Variants in PIK3CB observed in about 807,000 individuals in gnomAD.
PIK3CB encodes phosphatidylinositol 4,5-bisphosphate 3-kinase catalytic subunit beta isoform.
In PIK3CB, 39 loss-of-function variants were observed where a neutral mutation model predicts 136.8. That is an observed-to-expected ratio of 0.29 (90% CI 0.22 to 0.37). PIK3CB has a LOEUF of 0.37. PIK3CB is among the 10% of genes least tolerant of loss of function. PIK3CB has a pLI of 1.00. For synonymous variants in PIK3CB, 428 were observed against 436.6 expected (o/e 0.98, Z 0.25); for missense variants, 868 against 1,275.4 (o/e 0.68, Z 4.87).
At chr3:138,713,789 A>C (rs1048039422) in intron 9 of PIK3CB, among the ~76,000 whole-genome samples, 2 of 152,230 alleles carry the variant, frequency 1.3e-5, no homozygotes, top group Non-Finnish European at 2.9e-5. Flanking sequence ...AAAAGCAAGA[A>C]GAAAGTGAAA....
chr3:138,713,270 C>T (rs2044541646), intron 9 of PIK3CB, among the ~76,000 whole-genome samples: 1 of 151,770 alleles, frequency 6.6e-6, no homozygotes, highest in South Asian at 2.1e-4. Context: ...ACCTCAGCCT[C>T]CCAAAGTGTT....
intron 12 of PIK3CB, among the ~76,000 whole-genome samples, chr3:138,701,629 C>CA (rs1420189772): frequency 6.6e-6 from 1 of 151,252 alleles, no homozygotes; most frequent in Non-Finnish European, 1.5e-5. Flanking sequence ...TACTAAAATA[C>CA]AAAAAATTAG....
At chr3:138,682,569 C>G (rs530259776) in intron 18 of PIK3CB, among the ~76,000 whole-genome samples, 1 of 152,254 alleles carries the variant, frequency 6.6e-6, no homozygotes, top group Admixed American at 6.5e-5. Flanking sequence ...TACCACTATA[C>G]GGAGAGTTCT....
chr3:138,800,621 C>T (rs1189962550), intron 1 of PIK3CB, among the ~76,000 whole-genome samples: 2 of 151,676 alleles, frequency 1.3e-5, no homozygotes, highest in African/African-American at 4.8e-5. Context: ...CCAGCTACAA[C>T]TCTATTATTA....
intron 13 of PIK3CB, 124 bp downstream of exon 13, chr3:138,698,783 T>C (rs1028585510): frequency 5.5e-6 from 3 of 542,730 alleles, no homozygotes; most frequent in Non-Finnish European, 9.6e-6. Flanking sequence ...GTTTAAAACC[T>C]CAAAATTTCT....
chr3:138,775,068 T>C (rs915740903), intron 2 of PIK3CB, among the ~76,000 whole-genome samples: 8 of 152,226 alleles, frequency 5.3e-5, no homozygotes, highest in Non-Finnish European at 7.3e-5. Context: ...TGTGTGTAGC[T>C]TTCATTTCTC....
At chr3:138,762,337 G>C (rs497434) in intron 2 of PIK3CB, among the ~76,000 whole-genome samples, 1 of 152,184 alleles carries the variant, frequency 6.6e-6, no homozygotes, top group Non-Finnish European at 1.5e-5. Flanking sequence ...TCCTTGAGGA[G>C]ATATAATGTC....
chr3:138,785,841 A>AG (rs2045976669), intron 2 of PIK3CB, among the ~76,000 whole-genome samples: 1 of 151,236 alleles, frequency 6.6e-6, no homozygotes, highest in South Asian at 2.1e-4. Context: ...AAAAAAAAAA[A>AG]GAAAATGCTT....
chr3:138,796,623 G>A (rs567145570), intron 1 of PIK3CB, 56 bp from the exon 2 acceptor site: 1 of 151,952 alleles, frequency 6.6e-6, no homozygotes, highest in Admixed American at 6.6e-5. Context: ...ATTAAGTCAC[G>A]TAAATTTTAT....
chr3:138,823,808 GA>G (rs1933666405), intron 1 of PIK3CB, among the ~76,000 whole-genome samples: 1 of 152,190 alleles, frequency 6.6e-6, no homozygotes, highest in Admixed American at 6.6e-5. Flanking sequence ...CTGATCATCT[GA>G]AATACTGATT....
intron 6 of PIK3CB, among the ~76,000 whole-genome samples, chr3:138,736,859 CA>C (rs2045116789): frequency 6.6e-6 from 1 of 152,118 alleles, no homozygotes; most frequent in African/African-American, 2.4e-5. Flanking sequence ...AGGGAAATTC[CA>C]CGCATAAATA....
intron 19 of PIK3CB, among the ~76,000 whole-genome samples, chr3:138,674,765 G>A (rs2043609295): frequency 6.6e-6 from 1 of 152,106 alleles, no homozygotes; most frequent in Non-Finnish European, 1.5e-5. Context: ...CATGTTTAAA[G>A]AACTATAAGG....
At chr3:138,684,020 CCTT>C (rs2043834012) in intron 17 of PIK3CB, among the ~76,000 whole-genome samples, 2 of 152,202 alleles carry the variant, frequency 1.3e-5, no homozygotes, top group African/African-American at 4.8e-5. Context: ...GCCCTTCTCA[CCTT>C]CTCCACTTAA....
At chr3:138,759,662 T>C (rs527869439) in intron 2 of PIK3CB, among the ~76,000 whole-genome samples, 2 of 152,044 alleles carry the variant, frequency 1.3e-5, no homozygotes, top group Non-Finnish European at 2.9e-5. Context: ...CACATACATA[T>C]GTACACACAC....
chr3:138,695,931 A>AGTT (rs2044127515), intron 13 of PIK3CB, among the ~76,000 whole-genome samples: 1 of 90,838 alleles, frequency 1.1e-5, no homozygotes, highest in East Asian at 3.3e-4. Context: ...AATTTTTTGT[A>AGTT]TTTTTTTTTT....
intron 2 of PIK3CB, among the ~76,000 whole-genome samples, chr3:138,784,176 A>G (rs773749300): frequency 1.8e-4 from 28 of 152,170 alleles, no homozygotes; most frequent in Non-Finnish European, 3.4e-4. Context: ...ACCTGAGGTC[A>G]GGAGTTTGAG....
Position 138,655,329 on chromosome 3 carries a change from GC to G in PIK3CB, c.*59del. 6.5e-7 allele frequency: 1 copy of G among 1,529,344 alleles called. No individual in the cohort carries two copies. The highest frequency in any genetic ancestry group is 9.0e-7 in the Non-Finnish European group (1 of 1,106,686). The allele number at this position is 1,529,344 out of a possible 1,614,324, so 94.7% of individuals were successfully genotyped here. On this transcript the variant is annotated 3_prime_UTR_variant, in exon 24 of 24. Coordinates refer to ENST00000674063, the MANE Select transcript of PIK3CB (RefSeq NM_006219.3). ...CTAACAGGGTCATGTTCAATTTAGT[GC>G]AAGTGCAAAATGAAAATGAAATGAA...
At chr3:138,745,458 C>T (rs907751400) in intron 4 of PIK3CB, among the ~76,000 whole-genome samples, 1 of 152,046 alleles carries the variant, frequency 6.6e-6, no homozygotes, top group African/African-American at 2.4e-5. Context: ...CATGGGGAAA[C>T]CCCATCTCTA....
In PIK3CB at chr3:138,655,353, G is replaced by T. The variant is rs1419883468; in HGVS notation, c.*36C>A. ...TGCAAGTGCAAAATGAAAATGAAAT[G>T]AAACCAACAAATACATTAGGAGCGA... On this transcript the variant is annotated 3_prime_UTR_variant, in exon 24 of 24. Transcript: ENST00000674063. The T allele has an allele frequency of 6.2e-7, 1 of 1,605,284 alleles. No individual in the cohort carries two copies. The highest frequency in any genetic ancestry group is 2.2e-5 in the East Asian group (1 of 44,784).
Sources: allele counts gnomAD v4.1 joint callset (sites outside exome capture counted in the v4.1 genomes callset), GRCh38; gene constraint gnomAD v4.1.1; transcripts MANE v1.5; gene names NCBI Gene and HGNC (gene_info 2026-07-23, HGNC 2026-07-21).